The following OPCML variants were observed in gnomAD, a reference collection of about 807,000 sequenced individuals.
OPCML encodes the protein opioid binding protein/cell adhesion molecule like.
In OPCML, 13 loss-of-function variants were observed where a neutral mutation model predicts 37.8. The observed-to-expected ratio is 0.34, with a 90% CI of 0.22 to 0.55. The LOEUF (loss-of-function observed/expected upper bound fraction) is 0.55. OPCML is among the 20% of genes least tolerant of loss of function. OPCML has a pLI of 0.91. For missense variants in OPCML, 341 were observed against 435.6 expected (o/e 0.78, Z 1.93); for synonymous variants, 176 against 168.8 (o/e 1.04, Z -0.33).
chr11:132,458,916 C>A (rs2096091545), intron 4 of OPCML, among the ~76,000 whole-genome samples: 2 of 152,134 alleles, frequency 1.3e-5, no homozygotes, highest in Non-Finnish European at 2.9e-5. Context: ...CATTTAATAG[C>A]CCTTTCAGAC....
intron 2 of OPCML, among the ~76,000 whole-genome samples, chr11:132,854,128 C>T (rs560285856): frequency 2.8e-4 from 43 of 152,148 alleles, no homozygotes; most frequent in Non-Finnish European, 5.6e-4. Context: ...TTTGCTAGGG[C>T]GGCTCACAGA....
At chr11:132,651,769 T>C (rs1045872036) in intron 3 of OPCML, among the ~76,000 whole-genome samples, 15 of 152,182 alleles carry the variant, frequency 9.9e-5, no homozygotes, top group Admixed American at 9.2e-4. Context: ...CTAAGAGATG[T>C]AGAGTCTTTT....
intron 1 of OPCML, among the ~76,000 whole-genome samples, chr11:132,971,643 C>A (rs937935182): frequency 6.6e-6 from 1 of 152,154 alleles, no homozygotes; most frequent in African/African-American, 2.4e-5. Context: ...ACAGAGGTGA[C>A]AAGACAGTAA....
At chr11:132,563,592 G>T (rs1378000764) in intron 3 of OPCML, among the ~76,000 whole-genome samples, 10 of 151,340 alleles carry the variant, frequency 6.6e-5, no homozygotes, top group Admixed American at 4.6e-4. Flanking sequence ...TTTTAAATTG[G>T]TTAATTCTAT....
chr11:132,674,316 T>C (rs1942610141), intron 2 of OPCML, among the ~76,000 whole-genome samples: 1 of 152,084 alleles, frequency 6.6e-6, no homozygotes, highest in African/African-American at 2.4e-5. Flanking sequence ...GGAAAGGAAA[T>C]CCAAAGCCTC....
intron 4 of OPCML, among the ~76,000 whole-genome samples, chr11:132,504,177 T>A (rs1388122860): frequency 6.6e-6 from 1 of 152,206 alleles, no homozygotes; most frequent in African/African-American, 2.4e-5. Context: ...AGACTTGATT[T>A]AATTAATAGA....
At chr11:133,439,507 G>A (rs772594566) in intron 1 of OPCML, 580 of 915,000 alleles carry the variant, frequency 6.3e-4, no homozygotes, top group Non-Finnish European at 7.3e-4. Context: ...TCACTCTGTC[G>A]CCCAGGCTGG....
At chr11:132,741,444 G>A (rs570227440) in intron 2 of OPCML, among the ~76,000 whole-genome samples, 1 of 152,196 alleles carries the variant, frequency 6.6e-6, no homozygotes, top group East Asian at 1.9e-4. Context: ...ACGTGGTGCA[G>A]GTCTGTGCTC....
chr11:132,739,572 C>A (rs1215631863), intron 2 of OPCML, among the ~76,000 whole-genome samples: 5 of 152,120 alleles, frequency 3.3e-5, no homozygotes, highest in Admixed American at 3.3e-4. Flanking sequence ...ATAATACCAA[C>A]CTAATAATTA....
chr11:132,830,103 T>C (rs1255168060), intron 2 of OPCML, among the ~76,000 whole-genome samples: 1 of 152,276 alleles, frequency 6.6e-6, no homozygotes, highest in East Asian at 1.9e-4. Context: ...TTTCCCCCAA[T>C]CTGTATTATT....
At chr11:133,411,684 T>C (rs1303336565) in intron 1 of OPCML, among the ~76,000 whole-genome samples, 2 of 152,064 alleles carry the variant, frequency 1.3e-5, no homozygotes, top group African/African-American at 4.8e-5. Context: ...GGTGGCCAAA[T>C]ATCCTCATCC....
chr11:132,439,388 C>G (rs1305206873), intron 4 of OPCML, among the ~76,000 whole-genome samples: 1 of 152,156 alleles, frequency 6.6e-6, no homozygotes, highest in Non-Finnish European at 1.5e-5. Context: ...CATGCGCCAC[C>G]TGGGTCTGGG....
intron 1 of OPCML, chr11:133,422,759 TTAA>T (rs1945918939): frequency 2.2e-6 from 2 of 923,686 alleles, no homozygotes; most frequent in African/African-American, 3.6e-5. Context: ...AAATAATGTA[TTAA>T]TAATAAAGTA....
intron 3 of OPCML, among the ~76,000 whole-genome samples, chr11:132,630,438 A>G (rs1385659699): frequency 6.6e-6 from 1 of 152,108 alleles, no homozygotes; most frequent in Non-Finnish European, 1.5e-5. Context: ...CGTGCCTGTA[A>G]CCCCATTAAA....
intron 1 of OPCML, among the ~76,000 whole-genome samples, chr11:133,469,500 T>A (rs982952427): frequency 2.0e-5 from 3 of 152,202 alleles, no homozygotes; most frequent in African/African-American, 7.2e-5. Context: ...CTTAGCTCAT[T>A]CCTTTTTGCT....
chr11:132,798,973 C>A (rs1190470570), intron 2 of OPCML, among the ~76,000 whole-genome samples: 1 of 152,184 alleles, frequency 6.6e-6, no homozygotes, highest in African/African-American at 2.4e-5. Context: ...GATGTGCTGT[C>A]ATCCAGGCTC....
chr11:132,423,549 C>T (rs370491965), intron 7 of OPCML, among the ~76,000 whole-genome samples: 1 of 152,188 alleles, frequency 6.6e-6, no homozygotes, highest in East Asian at 1.9e-4. Context: ...GAGACAAAAG[C>T]CATGGGCAAT....
At chr11:133,159,820 C>T (rs928396833) in intron 1 of OPCML, among the ~76,000 whole-genome samples, 1 of 152,202 alleles carries the variant, frequency 6.6e-6, no homozygotes, top group African/African-American at 2.4e-5. Context: ...AGCATCACAG[C>T]CCACAGAGCC....
intron 1 of OPCML, among the ~76,000 whole-genome samples, chr11:133,312,736 G>A (rs1183340530): frequency 6.6e-6 from 1 of 152,112 alleles, no homozygotes; most frequent in African/African-American, 2.4e-5. Context: ...AAAAAATAGA[G>A]TTTTTTAAAA....
Sources: gnomAD v4.1 joint callset for allele counts (sites outside exome capture counted in the v4.1 genomes callset) on GRCh38, gnomAD v4.1.1 for gene constraint, MANE v1.5 for transcripts, NCBI Gene and HGNC (gene_info 2026-07-23, HGNC 2026-07-21) for gene names.